RFTN1: variants seen among roughly 807,000 people sequenced by gnomAD.
The protein encoded by RFTN1 is raftlin.
In RFTN1, 26 loss-of-function variants were observed where a neutral mutation model predicts 46.5. The ratio of observed to expected loss-of-function variants is 0.56; its 90% CI spans 0.41 to 0.78. The LOEUF (loss-of-function observed/expected upper bound fraction) is 0.78. Among genes scored for constraint, RFTN1 ranks in the 30% least tolerant of loss-of-function variants. The pLI is 0.00. For synonymous variants in RFTN1, 261 were observed against 284.2 expected (o/e 0.92, Z 0.82); for missense variants, 693 against 718.7 (o/e 0.96, Z 0.41).
In RFTN1 at chr3:16,320,458, A is replaced by T. The variant is rs1416458894; in HGVS notation, c.1332+2918T>A. On this transcript the variant is annotated intron_variant, in intron 9 of 9. Transcript: ENST00000334133. This position sits in a 1 kb window ranked among gnomAD's most constrained non-coding sequence, Gnocchi z 4.5. ...TTACTCATTCATTGATTCGACAAGTATCTGTTGAGCACCAACTAAAATCTG... is the reference window on the plus strand; with the variant it reads ...TTACTCATTCATTGATTCGACAAGTTTCTGTTGAGCACCAACTAAAATCTG... Among the ~76,000 whole-genome samples, 1 of 152,254 alleles carries T rather than the reference A, an allele frequency of 6.6e-6. No homozygotes were observed. The highest frequency in any genetic ancestry group is 1.5e-5 in the Non-Finnish European group (1 of 68,048).
At chr3:16,411,266 G>A (rs766121750) in intron 3 of RFTN1, among the ~76,000 whole-genome samples, 19 of 152,092 alleles carry the variant, frequency 1.2e-4, no homozygotes, top group African/African-American at 2.7e-4. Context: ...TTGCTGCAAC[G>A]TTTTAAATAA....
intron 4 of RFTN1, among the ~76,000 whole-genome samples, chr3:16,390,220 C>T (rs2074313649): frequency 6.6e-6 from 1 of 152,228 alleles, no homozygotes; most frequent in Admixed American, 6.5e-5. Flanking sequence ...TTTTAAAATA[C>T]AGTGATCGTC....
At position 16,382,991 on chromosome 3, in the gene RFTN1, G is replaced by A. The variant is rs1396958226; in HGVS notation, c.442-4889C>T. 1.3e-5 allele frequency among the ~76,000 whole-genome samples: 2 copies of A among 152,122 alleles called. No individual in the cohort carries two copies. Among genetic ancestry groups the A allele is most frequent in the Non-Finnish European group, 2.9e-5 (2 of 68,022 alleles). On this transcript the variant is annotated intron_variant, in intron 4 of 9. Coordinates refer to ENST00000334133, the MANE Select transcript of RFTN1 (RefSeq NM_015150.2). This position sits in a 1 kb window ranked among gnomAD's most constrained non-coding sequence, Gnocchi z 4.7. ...AACATCTCTAACAACAGCGATTACA[G>A]GAAACAGCAACTATTAACATTGCAC...
intron 4 of RFTN1, among the ~76,000 whole-genome samples, chr3:16,397,451 T>C (rs1182026918): frequency 1.3e-5 from 2 of 152,168 alleles, no homozygotes; most frequent in Admixed American, 1.3e-4. Flanking sequence ...TTAATAATAT[T>C]TTATTGTATA....
At chr3:16,495,696 C>T (rs1445023400) in intron 1 of RFTN1, among the ~76,000 whole-genome samples, 1 of 152,196 alleles carries the variant, frequency 6.6e-6, no homozygotes, top group Non-Finnish European at 1.5e-5. Context: ...TTTGGCAGGC[C>T]AGAGAGGCAG....
intron 3 of RFTN1, among the ~76,000 whole-genome samples, chr3:16,419,976 T>A (rs1222624603): frequency 6.6e-6 from 1 of 152,204 alleles, no homozygotes; most frequent in African/African-American, 2.4e-5. Context: ...GAGCTGTGCA[T>A]GCCTACTGGG....
At chr3:16,490,665 G>A (rs2076526322) in intron 2 of RFTN1, among the ~76,000 whole-genome samples, 1 of 152,208 alleles carries the variant, frequency 6.6e-6, no homozygotes, top group Non-Finnish European at 1.5e-5. Context: ...TGAGGAAATA[G>A]TCAGAAATGT....
In RFTN1 at chr3:16,470,710, G is replaced by A. The variant is rs141090865; in HGVS notation, c.145+23015C>T. On this transcript the variant is annotated intron_variant, in intron 2 of 9. Transcript: ENST00000334133. ...GTTGGCAGCTGGAGTCCAACTGCTT[G>A]TTTGCTAAAGCAAACAAACAAAATC... Among the ~76,000 whole-genome samples the A allele has an allele frequency of 3.6e-3, 551 of 152,310 alleles. 2 individuals are homozygous for A. The highest frequency in any genetic ancestry group is 5.8e-3 in the Non-Finnish European group (393 of 68,034).
Position 16,440,781 on chromosome 3 carries a change from TG to T in RFTN1, c.146-6745del, listed in dbSNP as rs2075606179. ...CTAATCTTTAAATGTGACAAGTAAC[TG>T]TAATTTTTTTCTCAATCCCATATGG... On this transcript the variant is annotated intron_variant, in intron 2 of 9. Transcript: ENST00000334133. The surrounding 1 kb of genome is among the most constrained non-coding windows in gnomAD (Gnocchi z 4.6). Among the ~76,000 whole-genome samples, 3 of 152,132 alleles carry T rather than the reference TG, an allele frequency of 2.0e-5. No individual in the cohort carries two copies. The highest frequency in any genetic ancestry group is 2.0e-4 in the Admixed American group (3 of 15,278).
chr3:16,409,225 C>T (rs1334652715), intron 4 of RFTN1, 150 bp downstream of exon 4: 5 of 555,192 alleles, frequency 9.0e-6, no homozygotes, highest in African/African-American at 3.8e-5. Flanking sequence ...CTGGAGGGGG[C>T]TGCTTCCCTG....
In RFTN1 at chr3:16,361,017, C is replaced by T. The variant is rs565493264; in HGVS notation, c.1031-2970G>A. Among the ~76,000 whole-genome samples the T allele has an allele frequency of 3.3e-5, 5 of 152,194 alleles. No individual in the cohort carries two copies. The highest frequency in any genetic ancestry group is 7.3e-5 in the Non-Finnish European group (5 of 68,030). On this transcript the variant is annotated intron_variant, in intron 6 of 9. Coordinates refer to ENST00000334133, the MANE Select transcript of RFTN1 (RefSeq NM_015150.2). This position sits in a 1 kb window ranked among gnomAD's most constrained non-coding sequence, Gnocchi z 4.3. ...TTTGAGTTTTCTTTTATATCCTTTTCTGTGAGGTTATTAACAAGTTAATAC... is the reference window on the plus strand; with the variant it reads ...TTTGAGTTTTCTTTTATATCCTTTTTTGTGAGGTTATTAACAAGTTAATAC...
At position 16,481,171 on chromosome 3, in the gene RFTN1, T is replaced by G. The variant is rs1221233778; in HGVS notation, c.145+12554A>C. Among the ~76,000 whole-genome samples the G allele has an allele frequency of 6.6e-6, 1 of 152,220 alleles. No individual in the cohort carries two copies. Among genetic ancestry groups the G allele is most frequent in the Non-Finnish European group, 1.5e-5 (1 of 68,048 alleles). ...AGAATGCCTTCCTTCCTTTTAAATCTAATCTTATTACTCCCATTAGTGAAT... is the reference window on the plus strand; with the variant it reads ...AGAATGCCTTCCTTCCTTTTAAATCGAATCTTATTACTCCCATTAGTGAAT... On this transcript the variant is annotated intron_variant, in intron 2 of 9. Coordinates refer to ENST00000334133, the MANE Select transcript of RFTN1 (RefSeq NM_015150.2). This position sits in a 1 kb window ranked among gnomAD's most constrained non-coding sequence, Gnocchi z 5.1.
chr3:16,323,564 AT>A, intron 8 of RFTN1, 107 bp from the exon 9 acceptor site: 2 of 763,556 alleles, frequency 2.6e-6, no homozygotes, highest in Non-Finnish European at 2.2e-6. Flanking sequence ...CACCCACAGG[AT>A]TATGACAGGT....
chr3:16,497,990 T>A (rs2076651189), intron 1 of RFTN1, among the ~76,000 whole-genome samples: 1 of 152,082 alleles, frequency 6.6e-6, no homozygotes, highest in Non-Finnish European at 1.5e-5. Context: ...AAAACTCTTG[T>A]GATTCACAAG....
In RFTN1 at chr3:16,507,834, C is replaced by A. The variant is rs1409973913; in HGVS notation, c.-9+5608G>T. ...ACATACATACATACATACACACACA[C>A]ACACATACACACATATATATACACA... On this transcript the variant is annotated intron_variant, in intron 1 of 9. Coordinates refer to ENST00000334133, the MANE Select transcript of RFTN1 (RefSeq NM_015150.2). This position sits in a 1 kb window ranked among gnomAD's most constrained non-coding sequence, Gnocchi z 7.1. Among the ~76,000 whole-genome samples the A allele has an allele frequency of 6.6e-6, 1 of 151,894 alleles. No homozygotes were observed. The highest frequency in any genetic ancestry group is 6.6e-5 in the Admixed American group (1 of 15,246).
rs1220765647 is a variant in RFTN1, at chr3:16,466,554, C to T, written c.145+27171G>A. On this transcript the variant is annotated intron_variant, in intron 2 of 9. Transcript: ENST00000334133. The surrounding 1 kb of genome is among the most constrained non-coding windows in gnomAD (Gnocchi z 5.6). ...TTTCAGAGAAGCAGCCATTACACCC[C>T]TTTCCTTCTGGGCCTGAACTCAGGC... Among the ~76,000 whole-genome samples, 1 of 152,202 alleles carries T rather than the reference C, an allele frequency of 6.6e-6. No individual in the cohort carries two copies. Among genetic ancestry groups the T allele is most frequent in the Non-Finnish European group, 1.5e-5 (1 of 68,044 alleles).
intron 2 of RFTN1, among the ~76,000 whole-genome samples, chr3:16,485,184 A>G (rs898722057): frequency 6.6e-6 from 1 of 152,032 alleles, no homozygotes; most frequent in African/African-American, 2.4e-5. Flanking sequence ...TTTTTTTTTC[A>G]TAATAGCCCC....
Position 16,346,367 on chromosome 3 carries a change from GCTGT to G in RFTN1, c.1146+11561_1146+11564del, listed in dbSNP as rs2071719009. ...AATTTTGTATATGAAGTGAAATATG[GCTGT>G]CTGAGAAAATAGGACAATTGAGTTT... On this transcript the variant is annotated intron_variant, in intron 7 of 9. Transcript: ENST00000334133. The surrounding 1 kb of genome is among the most constrained non-coding windows in gnomAD (Gnocchi z 4.4). The G allele has an allele frequency of 6.6e-6, 1 of 152,174 alleles. No homozygotes were observed. 9.4% of individuals were successfully genotyped at this position (152,174 alleles called of 1,614,324 possible). A position where few individuals can be genotyped will look rare whatever the true frequency, so the allele number is the denominator to read the frequency against.
In RFTN1 at chr3:16,407,169, T is replaced by C. The variant is rs1488171578; in HGVS notation, c.441+2206A>G. On this transcript the variant is annotated intron_variant, in intron 4 of 9. Coordinates refer to ENST00000334133, the MANE Select transcript of RFTN1 (RefSeq NM_015150.2). This position sits in a 1 kb window ranked among gnomAD's most constrained non-coding sequence, Gnocchi z 4.0. ...ATTTGGTTAAGACAAAGTCACCAAC[T>C]CATATCAACTCATATGTTTTCTTTC... 6.6e-6 allele frequency among the ~76,000 whole-genome samples: 1 copy of C among 152,144 alleles called. No homozygotes were observed. Among genetic ancestry groups the C allele is most frequent in the East Asian group, 1.9e-4 (1 of 5,192 alleles).
Sources: allele counts gnomAD v4.1 joint callset (sites outside exome capture counted in the v4.1 genomes callset), GRCh38; gene constraint gnomAD v4.1.1; non-coding constraint Gnocchi (gnomAD v3.1); transcripts MANE v1.5; gene names NCBI Gene and HGNC (gene_info 2026-07-23, HGNC 2026-07-21).